The following STMN2 variants were observed in gnomAD, a reference collection of about 807,000 sequenced individuals.
STMN2 encodes the protein stathmin-2.
In STMN2, 2 loss-of-function variants were observed where a neutral mutation model predicts 24.1. The ratio of observed to expected loss-of-function variants is 0.08; its 90% CI spans 0.03 to 0.26. STMN2 has a LOEUF of 0.26. Ranked by LOEUF, STMN2 falls within the 10% of genes least tolerant of loss-of-function variation. The pLI is 1.00. For synonymous variants in STMN2, 83 were observed against 77.5 expected (o/e 1.07, Z -0.37); for missense variants, 114 against 213.6 (o/e 0.53, Z 2.91).
At chr8:79,630,949 G>C (rs1181446260) in intron 1 of STMN2, among the ~76,000 whole-genome samples, 1 of 152,116 alleles carries the variant, frequency 6.6e-6, no homozygotes, top group Non-Finnish European at 1.5e-5. Flanking sequence ...TAAAAATCTT[G>C]ACACATAAAC....
intron 1 of STMN2, among the ~76,000 whole-genome samples, chr8:79,617,938 C>T (rs1041974873): frequency 1.3e-5 from 2 of 152,200 alleles, no homozygotes; most frequent in Non-Finnish European, 2.9e-5. Context: ...GGTTCTATTA[C>T]AGATATGGAA....
At chr8:79,631,828 T>C (rs1391628059) in intron 1 of STMN2, among the ~76,000 whole-genome samples, 2 of 152,288 alleles carry the variant, frequency 1.3e-5, no homozygotes, top group East Asian at 1.9e-4. Flanking sequence ...ATCATCAGAA[T>C]TGAGTTAAAA....
intron 1 of STMN2, among the ~76,000 whole-genome samples, chr8:79,618,394 A>G (rs977059736): frequency 6.6e-6 from 1 of 152,192 alleles, no homozygotes; most frequent in Admixed American, 6.5e-5. Flanking sequence ...ACATTGACTT[A>G]ATCTCCTCAG....
At chr8:79,664,020 G>A (rs1181709088) in intron 4 of STMN2, among the ~76,000 whole-genome samples, 3 of 152,122 alleles carry the variant, frequency 2.0e-5, no homozygotes, top group Admixed American at 6.6e-5. Context: ...CCCTCAATGA[G>A]CTTACAGTCA....
chr8:79,645,997 A>G (rs1299218253), intron 3 of STMN2, among the ~76,000 whole-genome samples: 1 of 151,976 alleles, frequency 6.6e-6, no homozygotes, highest in Non-Finnish European at 1.5e-5. Flanking sequence ...TACTGTAAAC[A>G]TTTTTTTTCT....
chr8:79,641,715 T>C (rs759104436), intron 3 of STMN2, among the ~76,000 whole-genome samples, 165 bp downstream of exon 3: 1 of 151,410 alleles, frequency 6.6e-6, no homozygotes, highest in African/African-American at 2.4e-5. Context: ...TGCCAACATG[T>C]ATAGGTTTTC....
chr8:79,621,893 G>A (rs1350274830), intron 1 of STMN2, among the ~76,000 whole-genome samples: 3 of 152,172 alleles, frequency 2.0e-5, no homozygotes, highest in African/African-American at 7.2e-5. Flanking sequence ...CTTAGACAAA[G>A]CAGCCCATGT....
intron 1 of STMN2, chr8:79,621,070 C>G (rs1456640113): frequency 4.1e-6 from 4 of 966,878 alleles, no homozygotes; most frequent in Non-Finnish European, 4.9e-6. Context: ...TCCCCATCAG[C>G]TCTGCCCTTC....
chr8:79,662,990 C>T (rs1042306664), intron 4 of STMN2, among the ~76,000 whole-genome samples: 3 of 152,110 alleles, frequency 2.0e-5, no homozygotes, highest in African/African-American at 7.2e-5. Context: ...CTAATTTCCC[C>T]TGTGACATTT....
At chr8:79,620,224 T>C (rs1355815851) in intron 1 of STMN2, among the ~76,000 whole-genome samples, 3 of 148,252 alleles carry the variant, frequency 2.0e-5, no homozygotes, top group South Asian at 4.3e-4. Context: ...GTGTATATTA[T>C]TTACCTATCA....
chr8:79,620,983 G>A (rs1809503054), intron 1 of STMN2: 2 of 985,070 alleles, frequency 2.0e-6, no homozygotes, highest in Non-Finnish European at 1.2e-6. Flanking sequence ...GGGTCCCCAA[G>A]CAGCAGGCCA....
intron 1 of STMN2, chr8:79,611,827 C>T: frequency 1.6e-6 from 1 of 617,692 alleles, no homozygotes; most frequent in South Asian, 7.1e-5. Context: ...GGTAGGACCT[C>T]CGCTCCTTTG....
intron 2 of STMN2, among the ~76,000 whole-genome samples, chr8:79,639,686 T>C (rs904554942): frequency 6.6e-6 from 1 of 152,208 alleles, no homozygotes; most frequent in Non-Finnish European, 1.5e-5. Context: ...TGGCTAACCA[T>C]TCTTCAGTTC....
chr8:79,619,136 G>A (rs113036596), intron 1 of STMN2, among the ~76,000 whole-genome samples: 61 of 151,562 alleles, frequency 4.0e-4, no homozygotes, highest in African/African-American at 1.3e-3. Context: ...TTATTCTTCT[G>A]GAATAATTGT....
At chr8:79,657,936 T>C (rs867096439) in intron 4 of STMN2, among the ~76,000 whole-genome samples, 1 of 152,314 alleles carries the variant, frequency 6.6e-6, no homozygotes, top group East Asian at 1.9e-4. Flanking sequence ...GTAATAACAG[T>C]AAAGCCAAAA....
intron 1 of STMN2, among the ~76,000 whole-genome samples, chr8:79,626,040 C>T (rs1222324895): frequency 1.3e-5 from 2 of 152,168 alleles, no homozygotes; most frequent in Non-Finnish European, 2.9e-5. Flanking sequence ...ATGTCTTGCA[C>T]AGCACTTCAG....
intron 1 of STMN2, among the ~76,000 whole-genome samples, chr8:79,615,942 G>A (rs1028281802): frequency 6.6e-6 from 1 of 152,178 alleles, no homozygotes; most frequent in Non-Finnish European, 1.5e-5. Context: ...AATGTCAGTA[G>A]TAATAGCAAA....
At chr8:79,648,194 G>A (rs1324338934) in intron 3 of STMN2, among the ~76,000 whole-genome samples, 2 of 152,198 alleles carry the variant, frequency 1.3e-5, no homozygotes, top group Admixed American at 6.5e-5. Context: ...CCTCAAGCAA[G>A]TGACTTAATC....
At chr8:79,636,125 G>A (rs183679783) in intron 1 of STMN2, among the ~76,000 whole-genome samples, 7 of 152,104 alleles carry the variant, frequency 4.6e-5, no homozygotes, top group African/African-American at 1.4e-4. Context: ...GCTGAGGGGG[G>A]AACATCACTT....
Sources: allele counts gnomAD v4.1 joint callset (sites outside exome capture counted in the v4.1 genomes callset), GRCh38; gene constraint gnomAD v4.1.1; transcripts MANE v1.5; gene names NCBI Gene and HGNC (gene_info 2026-07-23, HGNC 2026-07-21).